The following GFRAL variants were observed in gnomAD, a reference collection of about 807,000 sequenced individuals.
The protein encoded by GFRAL is GDNF family receptor alpha like.
GFRAL carries 36 observed loss-of-function variants against 45.4 expected under a neutral mutation model. That is an observed-to-expected ratio of 0.79 (90% CI 0.61 to 1.05). The LOEUF (loss-of-function observed/expected upper bound fraction) is 1.05. Among genes scored for constraint, GFRAL ranks in the 50% least tolerant of loss-of-function variants. The probability of loss-of-function intolerance (pLI) is 0.00; values close to 1 mark genes in which losing one functional copy is unlikely to be tolerated. For synonymous variants in GFRAL, 166 were observed against 154.1 expected, an observed-to-expected ratio of 1.08 and a Z score of -0.57; for missense variants, 507 against 467.5, an observed-to-expected ratio of 1.08 and a Z score of -0.78.
At chr6:55,395,337 C>T (rs73439288) in intron 6 of GFRAL, among the ~76,000 whole-genome samples, 28,997 of 151,246 alleles carry the variant, frequency 0.19, 4,611 homozygotes, top group African/African-American at 0.44. Flanking sequence ...ATTCCATACA[C>T]TGAAACCTCC....
intron 6 of GFRAL, among the ~76,000 whole-genome samples, chr6:55,391,541 G>A (rs59091603): frequency 0.15 from 22,458 of 152,058 alleles, 2,328 homozygotes; most frequent in African/African-American, 0.29. Context: ...GCTTGAGGCC[G>A]GGAGTTTGAG....
chr6:55,343,944 G>A (rs1768004922), intron 3 of GFRAL, among the ~76,000 whole-genome samples: 1 of 152,018 alleles, frequency 6.6e-6, no homozygotes. Context: ...ACAAGAAATG[G>A]ATAAATTCCT....
rs1767831469 is a variant in GFRAL at position 55,331,706 on chromosome 6, T to C, written c.23-9T>C. 1 of 1,594,592 alleles carries C rather than the reference T, an allele frequency of 6.3e-7. No homozygotes were observed. The highest frequency in any genetic ancestry group is 1.8e-5 in the Admixed American group (1 of 55,900). ...TATTACAACCTTGTTTTTGTTGTTG[T>C]TATTCAAGCTATGGGGTTAAGCTTG... On this transcript the variant is annotated splice_polypyrimidine_tract_variant and intron_variant, in intron 1 of 8. Transcript: ENST00000340465.
chr6:55,374,668 G>C (rs1768500235), intron 6 of GFRAL, among the ~76,000 whole-genome samples: 1 of 152,082 alleles, frequency 6.6e-6, no homozygotes, highest in Non-Finnish European at 1.5e-5. Context: ...TGTTGCAATT[G>C]CTTGTGGTGT....
At chr6:55,395,974 C>T (rs1768819937) in intron 6 of GFRAL, among the ~76,000 whole-genome samples, 1 of 152,028 alleles carries the variant, frequency 6.6e-6, no homozygotes, top group Non-Finnish European at 1.5e-5. Flanking sequence ...ATAAACAAGT[C>T]ACTGACAGTG....
At chr6:55,370,442 A>T (rs1461316969) in intron 6 of GFRAL, among the ~76,000 whole-genome samples, 1 of 152,198 alleles carries the variant, frequency 6.6e-6, no homozygotes, top group African/African-American at 2.4e-5. Context: ...GTGATGTAGA[A>T]CTAGTGACTT....
chr6:55,362,006 T>C (rs1768282335), intron 6 of GFRAL, among the ~76,000 whole-genome samples: 1 of 152,052 alleles, frequency 6.6e-6, no homozygotes, highest in South Asian at 2.1e-4. Context: ...CTCTCATTTT[T>C]ATGCAACATA....
rs1206328615 is a variant in GFRAL, at chr6:55,399,263, T to TC, written c.1041dup (p.Phe348LeufsTer27). 6.3e-7 allele frequency: 1 copy of TC among 1,595,724 alleles called. No homozygotes were observed. ...CAAAATCACTTTAACTGGATTTCATTCCCCCTTCAATGGTCAGTTAAAAAT... is the reference window on the plus strand; with the variant it reads ...CAAAATCACTTTAACTGGATTTCATTCCCCCCTTCAATGGTCAGTTAAAAAT... On this transcript the variant is annotated frameshift_variant, in exon 7 of 9. Coordinates refer to ENST00000340465, the MANE Select transcript of GFRAL (RefSeq NM_207410.2). LOFTEE classifies it high-confidence loss of function.
intron 3 of GFRAL, among the ~76,000 whole-genome samples, chr6:55,337,227 T>G (rs1489014928): frequency 1.3e-5 from 2 of 152,156 alleles, no homozygotes; most frequent in Non-Finnish European, 2.9e-5. Context: ...ATTCATTATT[T>G]GATTTTTTAC....
intron 2 of GFRAL, among the ~76,000 whole-genome samples, chr6:55,332,985 AT>A (rs1173657711): frequency 6.6e-6 from 1 of 152,094 alleles, no homozygotes; most frequent in Non-Finnish European, 1.5e-5. Flanking sequence ...TAATCTAAAA[AT>A]AATCTATTTA....
intron 6 of GFRAL, among the ~76,000 whole-genome samples, chr6:55,376,342 AG>A (rs1260470463): frequency 1.3e-5 from 2 of 151,960 alleles, no homozygotes; most frequent in African/African-American, 4.8e-5. Flanking sequence ...CATCTCTTTC[AG>A]GTTTTGGTAT....
chr6:55,395,175 A>AAAAAAATATAT, intron 6 of GFRAL, among the ~76,000 whole-genome samples: 3 of 123,490 alleles, frequency 2.4e-5, no homozygotes, highest in African/African-American at 3.5e-5. Context: ...AAAAAAAAAA[A>AAAAAAATATAT]ATATATATAT....
At chr6:55,331,994 A>T in intron 2 of GFRAL, 145 bp downstream of exon 2, 2 of 683,390 alleles carry the variant, frequency 2.9e-6, no homozygotes, top group Non-Finnish European at 4.7e-6. Flanking sequence ...ACTTTTAATC[A>T]TGTATTAGCA....
chr6:55,341,362 C>T (rs535191060), intron 3 of GFRAL, among the ~76,000 whole-genome samples: 64 of 152,278 alleles, frequency 4.2e-4, no homozygotes, highest in African/African-American at 1.5e-3. Context: ...ATTTGCTGTT[C>T]AGCAATATTT....
intron 6 of GFRAL, among the ~76,000 whole-genome samples, chr6:55,395,526 G>C (rs970444682): frequency 2.6e-5 from 4 of 151,330 alleles, no homozygotes; most frequent in Admixed American, 2.6e-4. Context: ...CTAGATACAG[G>C]CATTTTTTCC....
intron 6 of GFRAL, among the ~76,000 whole-genome samples, chr6:55,395,924 G>A (rs1768819215): frequency 6.6e-6 from 1 of 152,082 alleles, no homozygotes; most frequent in Non-Finnish European, 1.5e-5. Context: ...TTACAATATA[G>A]TTCATAATCG....
At chr6:55,388,532 G>T (rs539512532) in intron 6 of GFRAL, among the ~76,000 whole-genome samples, 2 of 152,222 alleles carry the variant, frequency 1.3e-5, no homozygotes, top group South Asian at 4.1e-4. Context: ...TTTGTTGAAA[G>T]AACATATGGT....
chr6:55,391,026 T>C (rs985249398), intron 6 of GFRAL, among the ~76,000 whole-genome samples: 13 of 151,900 alleles, frequency 8.6e-5, no homozygotes, highest in African/African-American at 3.1e-4. Flanking sequence ...ATATAATCTA[T>C]CGCAATACCC....
chr6:55,384,456 T>TTGGCCCCACAATTCTACTGTTTACA (rs1768654127), intron 6 of GFRAL, among the ~76,000 whole-genome samples: 1 of 151,630 alleles, frequency 6.6e-6, no homozygotes, highest in African/African-American at 2.4e-5. Flanking sequence ...AGAATTCCCA[T>TTGGCCCCACAATTCTACTGTTTACA]TGGCCCCACA....
Sources: gnomAD v4.1 joint callset for allele counts (sites outside exome capture counted in the v4.1 genomes callset) on GRCh38, gnomAD v4.1.1 for gene constraint, MANE v1.5 for transcripts, NCBI Gene and HGNC (gene_info 2026-07-23, HGNC 2026-07-21) for gene names.